FILIP1: variants seen among roughly 807,000 people sequenced by gnomAD.
The protein encoded by FILIP1 is filamin A interacting protein 1, also known as filamin-A-interacting protein 1.
A neutral mutation model predicts 102.1 loss-of-function variants in FILIP1; 61 were observed. The ratio of observed to expected loss-of-function variants is 0.60; its 90% CI spans 0.49 to 0.74. FILIP1 has a LOEUF of 0.74. Among genes scored for constraint, FILIP1 ranks in the 30% least tolerant of loss-of-function variants. The pLI is 0.00. For missense variants in FILIP1, 1,314 were observed against 1,441.2 expected, an observed-to-expected ratio of 0.91 and a Z score of 1.43; for synonymous variants, 491 against 526.9, an observed-to-expected ratio of 0.93 and a Z score of 0.93.
At chr6:75,350,599 T>A (rs1000023340) in intron 4 of FILIP1, among the ~76,000 whole-genome samples, 9 of 152,120 alleles carry the variant, frequency 5.9e-5, no homozygotes, top group African/African-American at 1.9e-4. Flanking sequence ...ATAAAAGTAC[T>A]CTGTGAACTA....
At chr6:75,365,288 GA>G (rs1285909739) in intron 2 of FILIP1, among the ~76,000 whole-genome samples, 1 of 152,084 alleles carries the variant, frequency 6.6e-6, no homozygotes, top group African/African-American at 2.4e-5. Flanking sequence ...CAAAATTTCT[GA>G]AAGACTAAAA....
chr6:75,344,910 T>C (rs4498313), intron 4 of FILIP1, among the ~76,000 whole-genome samples: 107,010 of 152,130 alleles, frequency 0.7, 37,770 homozygotes, highest in Middle Eastern at 0.77. Flanking sequence ...CAGAGCAAGA[T>C]GCCAACTCTA....
chr6:75,474,456 A>G (rs1406491143), intron 1 of FILIP1, among the ~76,000 whole-genome samples: 1 of 152,198 alleles, frequency 6.6e-6, no homozygotes, highest in African/African-American at 2.4e-5. Context: ...TGAAGGAGGA[A>G]GTAACTAGTA....
chr6:75,379,478 G>T (rs978375669), intron 2 of FILIP1, among the ~76,000 whole-genome samples: 2 of 152,190 alleles, frequency 1.3e-5, no homozygotes, highest in Non-Finnish European at 2.9e-5. Flanking sequence ...GTGTTAGATA[G>T]ATTGCAATGG....
chr6:75,379,367 C>T (rs985564240), intron 2 of FILIP1, among the ~76,000 whole-genome samples: 1 of 152,142 alleles, frequency 6.6e-6, no homozygotes. Flanking sequence ...GCGACTGTTT[C>T]GTTTGCATTA....
chr6:75,350,389 T>G (rs1344666660), intron 4 of FILIP1, among the ~76,000 whole-genome samples: 3 of 135,124 alleles, frequency 2.2e-5, no homozygotes, highest in Non-Finnish European at 4.6e-5. Flanking sequence ...GTTAGGGTAA[T>G]TTTTTTTAAA....
At chr6:75,414,112 G>C (rs1329103095) in intron 2 of FILIP1, among the ~76,000 whole-genome samples, 2 of 149,300 alleles carry the variant, frequency 1.3e-5, no homozygotes, top group Non-Finnish European at 3.0e-5. Context: ...AAAATGCTTA[G>C]GAAACTATTA....
At chr6:75,461,234 T>C (rs1458060759) in intron 1 of FILIP1, among the ~76,000 whole-genome samples, 1 of 152,192 alleles carries the variant, frequency 6.6e-6, no homozygotes, top group Non-Finnish European at 1.5e-5. Context: ...CTCTATAAAA[T>C]GGTACATTAT....
chr6:75,313,534 C>A lies in FILIP1; in HGVS notation c.2298G>T (p.Gly766=), dbSNP rs147346630. ...CTTTGGTCAGATTGAGAACCTCCTG[C>A]CCCATGTTTTTGTTCTTATTTTCTT... ...MEEENKNKNM[G]QEVLNLTKEL... Residue 766 remains glycine, a synonymous_variant, in exon 5 of 6, where the codon GGG becomes GGT. Transcript: ENST00000237172. This position sits in a 1 kb window ranked among gnomAD's most constrained non-coding sequence, Gnocchi z 4.2. 2 of 1,614,070 alleles carry A rather than the reference C, an allele frequency of 1.2e-6. No homozygotes were observed. The highest frequency in any genetic ancestry group is 2.7e-5 in the African/African-American group (2 of 74,918).
chr6:75,439,210 C>CA (rs1175388306), intron 1 of FILIP1, among the ~76,000 whole-genome samples: 3 of 152,044 alleles, frequency 2.0e-5, no homozygotes, highest in Non-Finnish European at 4.4e-5. Flanking sequence ...ACTAAAAATA[C>CA]AAAAAATTAG....
At chr6:75,431,652 T>G (rs1484468161) in intron 1 of FILIP1, among the ~76,000 whole-genome samples, 3 of 152,008 alleles carry the variant, frequency 2.0e-5, no homozygotes, top group Non-Finnish European at 1.5e-5. Context: ...AGAGTGAGGG[T>G]GTAGCATAGC....
At chr6:75,441,969 G>A (rs971099086) in intron 1 of FILIP1, among the ~76,000 whole-genome samples, 59 of 151,292 alleles carry the variant, frequency 3.9e-4, no homozygotes, top group Non-Finnish European at 6.8e-4. Flanking sequence ...GGGTGGCTGC[G>A]GGGCGGAGAC....
chr6:75,412,008 G>C (rs1319971894), intron 2 of FILIP1, among the ~76,000 whole-genome samples: 1 of 152,168 alleles, frequency 6.6e-6, no homozygotes, highest in African/African-American at 2.4e-5. Context: ...ACTTTGGGCA[G>C]TGTGGCCATT....
At chr6:75,302,826 G>C (rs1249179118) in intron 6 of FILIP1, among the ~76,000 whole-genome samples, 1 of 93,574 alleles carries the variant, frequency 1.1e-5, no homozygotes, top group East Asian at 3.3e-4. Context: ...GATATGACAT[G>C]ATATGATATG....
intron 4 of FILIP1, among the ~76,000 whole-genome samples, chr6:75,325,241 G>T (rs1419462890): frequency 2.6e-5 from 4 of 152,152 alleles, no homozygotes; most frequent in Non-Finnish European, 5.9e-5. Context: ...GGGCAATACG[G>T]TGAAGCCCTA....
At chr6:75,310,612 A>G (rs1773149037) in intron 5 of FILIP1, among the ~76,000 whole-genome samples, 1 of 152,246 alleles carries the variant, frequency 6.6e-6, no homozygotes, top group South Asian at 2.1e-4. Context: ...AAATGTCAAT[A>G]CAGAGGGTAG....
At chr6:75,480,075 T>C (rs1779606798) in intron 1 of FILIP1, among the ~76,000 whole-genome samples, 6 of 151,962 alleles carry the variant, frequency 3.9e-5, no homozygotes, top group Admixed American at 2.6e-4. Context: ...CCCACCTATA[T>C]ATGTTTTAAA....
rs773434591 is a variant in FILIP1, at chr6:75,313,961, G to C, written c.1871C>G (p.Pro624Arg). The C allele has an allele frequency of 5.0e-6, 8 of 1,605,850 alleles. No individual in the cohort carries two copies. In the South Asian group the frequency reaches 7.8e-5, roughly 16 times the overall value. The change falls in exon 5 of 6, where the codon CCG becomes CGG. Residue 624 changes from proline (P) to arginine (R), a missense_variant. Transcript: ENST00000237172. The surrounding 1 kb of genome is among the most constrained non-coding windows in gnomAD (Gnocchi z 4.2). ...TAGTTCCTTAATCTTATTATCTTCC[G>C]GGCAGGTGAGCTCAGACCCTTTTCG... ...RSRKGSELTCPEDNKIKELTL... is the reference protein window; with the variant it reads ...RSRKGSELTCREDNKIKELTL...
intron 1 of FILIP1, among the ~76,000 whole-genome samples, chr6:75,425,627 G>A (rs1777602016): frequency 6.6e-6 from 1 of 152,018 alleles, no homozygotes; most frequent in Non-Finnish European, 1.5e-5. Context: ...TTAACCCCAA[G>A]GAATCAAAGG....
Sources: gnomAD v4.1 joint callset for allele counts (sites outside exome capture counted in the v4.1 genomes callset) on GRCh38, gnomAD v4.1.1 for gene constraint, Gnocchi (gnomAD v3.1) non-coding constraint, MANE v1.5 for transcripts, NCBI Gene and HGNC (gene_info 2026-07-23, HGNC 2026-07-21) for gene names.